Variants in DNAH6 observed in about 807,000 individuals in gnomAD.
The protein encoded by DNAH6 is dynein axonemal heavy chain 6.
In DNAH6, 340 loss-of-function variants were observed where a neutral mutation model predicts 491.4. That is an observed-to-expected ratio of 0.69 (90% CI 0.63 to 0.76). The LOEUF (loss-of-function observed/expected upper bound fraction) is 0.76. Among genes scored for constraint, DNAH6 ranks in the 30% least tolerant of loss-of-function variants. DNAH6 has a pLI of 0.00. For missense variants in DNAH6, 4,443 were observed against 4,972.2 expected, an observed-to-expected ratio of 0.89 and a Z score of 3.20; for synonymous variants, 1,603 against 1,686.1, an observed-to-expected ratio of 0.95 and a Z score of 1.21.
upstream of DNAH6, among the ~76,000 whole-genome samples, chr2:84,512,916 T>C (rs1387906510): frequency 6.6e-6 from 1 of 152,096 alleles, no homozygotes; most frequent in Non-Finnish European, 1.5e-5. Context: ...ATTTGAGTCA[T>C]GTTTTTTATT....
At chr2:84,734,318 T>C (rs552548710) in intron 62 of DNAH6, among the ~76,000 whole-genome samples, 7 of 151,924 alleles carry the variant, frequency 4.6e-5, no homozygotes, top group Non-Finnish European at 7.4e-5. Context: ...TTTTTTGTAT[T>C]TTTAGTAGAG....
At chr2:84,664,752 T>C (rs770450974) in intron 37 of DNAH6, among the ~76,000 whole-genome samples, 1 of 152,230 alleles carries the variant, frequency 6.6e-6, no homozygotes, top group Admixed American at 6.5e-5. Context: ...GCAGACCTAA[T>C]AGACATCTAC....
At chr2:84,637,189 T>A in intron 30 of DNAH6, 21 bp from the exon 31 acceptor site, 1 of 1,519,956 alleles carries the variant, frequency 6.6e-7, no homozygotes, top group Non-Finnish European at 8.9e-7. Context: ...GAGTGTTAAC[T>A]TATATTTTAT....
chr2:84,479,759 T>C, the DNAH6 span, among the ~76,000 whole-genome samples: 6 of 152,206 alleles, frequency 3.9e-5, 1 homozygote, highest in Admixed American at 3.9e-4. Flanking sequence ...GGAAGCTGGT[T>C]GTGGCCTGAG....
Position 84,653,571 on chromosome 2 carries a change from G to C in DNAH6, c.5331G>C (p.Gly1777=), listed in dbSNP as rs12992282. 5 of 1,551,122 alleles carry C rather than the reference G, an allele frequency of 3.2e-6. No homozygotes were observed. The highest frequency in any genetic ancestry group is 4.4e-6 in the Non-Finnish European group (5 of 1,146,700). ...AETLGNLQKL[G]IENSFYQAVK... ...CTTTAGGGAATTTACAAAAACTTGG[G>C]ATAGAAAATTCCTTTTACCAAGCAG... Residue 1777 remains glycine (G), a synonymous_variant, in exon 34 of 77, where the codon GGG becomes GGC. Coordinates refer to ENST00000389394, the MANE Select transcript of DNAH6 (RefSeq NM_001370.2).
At chr2:84,559,363 T>C (rs547887358) in intron 11 of DNAH6, among the ~76,000 whole-genome samples, 2 of 152,222 alleles carry the variant, frequency 1.3e-5, no homozygotes, top group African/African-American at 4.8e-5. Flanking sequence ...GAGGCATTAT[T>C]TGAACATTGG....
In DNAH6 at chr2:84,813,101, G is replaced by T; in HGVS notation, c.11969G>T (p.Gly3990Val). ...CAGCCTAAGTCCTACTGGATCTCTG[G>T]TTTCTTCTTTCCTCAAGGATTTCTA... ...RGQPKSYWIS[G>V]FFFPQGFLTG... Residue 3990 changes from glycine to valine, a missense_variant, in exon 74 of 77, where the codon GGT (glycine) becomes GTT (valine). Coordinates refer to ENST00000389394, the MANE Select transcript of DNAH6 (RefSeq NM_001370.2). 1 of 1,551,830 alleles carries T rather than the reference G, an allele frequency of 6.4e-7. No individual in the cohort carries two copies. The highest frequency in any genetic ancestry group is 8.7e-7 in the Non-Finnish European group (1 of 1,147,020).
Position 84,653,674 on chromosome 2 carries a change from T to C in DNAH6, c.5434T>C (p.Trp1812Arg). Residue 1812 changes from tryptophan (W) to arginine (R), a missense_variant, in exon 34 of 77, where the codon TGG (tryptophan) becomes CGG (arginine). Transcript: ENST00000389394. Reference protein sequence around the residue: ...YGEVNNLTLEWKDGLMALSVR... With the variant: ...YGEVNNLTLERKDGLMALSVR... ...AGAGGTTAATAACTTAACCTTGGAATGGAAAGATGGTTTGATGGCACTAAG... is the reference window on the plus strand; with the variant it reads ...AGAGGTTAATAACTTAACCTTGGAACGGAAAGATGGTTTGATGGCACTAAG... 6.4e-7 allele frequency: 1 copy of C among 1,551,276 alleles called. No homozygotes were observed. Among genetic ancestry groups the C allele is most frequent in the Non-Finnish European group, 8.7e-7 (1 of 1,146,738 alleles).
At chr2:84,613,008 G>T (rs1686479021) in intron 22 of DNAH6, among the ~76,000 whole-genome samples, 2 of 150,250 alleles carry the variant, frequency 1.3e-5, no homozygotes, top group Admixed American at 1.3e-4. Context: ...CTTCTGAAAT[G>T]AAAAAAAAAT....
Position 84,619,701 on chromosome 2 carries a change from A to T in DNAH6, c.3589A>T (p.Asn1197Tyr), listed in dbSNP as rs1039760452. 6.4e-7 allele frequency: 1 copy of T among 1,551,274 alleles called. No individual in the cohort carries two copies. Among genetic ancestry groups the T allele is most frequent in the African/African-American group, 1.4e-5 (1 of 72,984 alleles). The change falls in exon 24 of 77, where the codon AAT (asparagine) becomes TAT (tyrosine). Residue 1197 changes from asparagine to tyrosine, a missense_variant. By Grantham distance (143) the Asn-to-Tyr change is moderately radical. Coordinates refer to ENST00000389394, the MANE Select transcript of DNAH6 (RefSeq NM_001370.2). ...VIFPRFYFLS[N>Y]DELLEILAQT... ...TTAATCCAGGTTTTACTTCTTGTCA[A>T]ATGATGAACTTCTGGAGATTTTGGC...
At chr2:84,558,833 C>T (rs922604284) in intron 11 of DNAH6, among the ~76,000 whole-genome samples, 1 of 152,132 alleles carries the variant, frequency 6.6e-6, no homozygotes, top group South Asian at 2.1e-4. Context: ...TGCTTCTCTC[C>T]TACATTTCTG....
the DNAH6 span, among the ~76,000 whole-genome samples, chr2:84,501,841 T>A: frequency 6.6e-6 from 1 of 151,554 alleles, no homozygotes; most frequent in African/African-American, 2.4e-5. Context: ...CCACTAATGA[T>A]CCTTTGAATT....
intron 39 of DNAH6, among the ~76,000 whole-genome samples, chr2:84,671,867 A>C (rs2104673375): frequency 6.6e-6 from 1 of 152,302 alleles, no homozygotes; most frequent in South Asian, 2.1e-4. Context: ...TTTCCCTTTG[A>C]TGTGATCAGG....
chr2:84,732,558 T>A (rs1232473688), intron 61 of DNAH6, among the ~76,000 whole-genome samples: 1 of 152,218 alleles, frequency 6.6e-6, no homozygotes, highest in Non-Finnish European at 1.5e-5. Context: ...TTGATTTCCA[T>A]GAAGTGTCCA....
In DNAH6 at chr2:84,762,829, G is replaced by T. The variant is rs1447560536; in HGVS notation, c.10587G>T (p.Leu3529=). 1 of 1,551,200 alleles carries T rather than the reference G, an allele frequency of 6.4e-7. No homozygotes were observed. The highest frequency in any genetic ancestry group is 2.0e-5 in the Admixed American group (1 of 50,974). ...TTATAGAGACACCACCTGTGGACCTGCCTACCCTGTATCAAGACATGTCAT... is the reference window on the plus strand; with the variant it reads ...TTATAGAGACACCACCTGTGGACCTTCCTACCCTGTATCAAGACATGTCAT... ...KQFIETPPVD[L]PTLYQDMSCN... is the part of the protein sequence containing the mutation. The change falls in exon 64 of 77, where the codon CTG becomes CTT. Residue 3529 remains leucine (L), a synonymous_variant. Coordinates refer to ENST00000389394, the MANE Select transcript of DNAH6 (RefSeq NM_001370.2).
intron 41 of DNAH6, among the ~76,000 whole-genome samples, chr2:84,679,428 T>C (rs1328958891): frequency 6.6e-6 from 1 of 152,230 alleles, no homozygotes; most frequent in Admixed American, 6.5e-5. Context: ...TCACTATACA[T>C]TCTAAGGGTA....
At chr2:84,473,874 C>T in the DNAH6 span, among the ~76,000 whole-genome samples, 2 of 152,186 alleles carry the variant, frequency 1.3e-5, no homozygotes, top group African/African-American at 4.8e-5. Flanking sequence ...CTAGTTTCAG[C>T]TGCACACAGA....
At chr2:84,538,891 G>T (rs2104497259) in intron 4 of DNAH6, among the ~76,000 whole-genome samples, 1 of 151,984 alleles carries the variant, frequency 6.6e-6, no homozygotes, top group East Asian at 1.9e-4. Context: ...CTATTTAGTG[G>T]CCAAGAACAG....
In DNAH6 at chr2:84,637,853, A is replaced by C. The variant is rs953448455; in HGVS notation, c.4821+476A>C. On this transcript the variant is annotated intron_variant, in intron 31 of 76. Coordinates refer to ENST00000389394, the MANE Select transcript of DNAH6 (RefSeq NM_001370.2). The stretch of plus-strand genomic sequence containing the variant: ...AATCATTAACAAATTATTTATAATC[A>C]TGTTTGTTTTTTCTGTATCTACTTA... 6.6e-5 allele frequency among the ~76,000 whole-genome samples: 10 copies of C among 152,288 alleles called. No individual in the cohort carries two copies. In the East Asian group the frequency reaches 1.9e-3, roughly 29 times the overall value.
Sources: allele counts gnomAD v4.1 joint callset (sites outside exome capture counted in the v4.1 genomes callset), GRCh38; gene constraint gnomAD v4.1.1; transcripts MANE v1.5; gene names NCBI Gene and HGNC (gene_info 2026-07-23, HGNC 2026-07-21).